Variants in FOXK1 observed in about 807,000 individuals in gnomAD.
FOXK1 encodes the protein forkhead box K1.
A neutral mutation model predicts 51.9 loss-of-function variants in FOXK1; 19 were observed. The observed-to-expected ratio is 0.37, with a 90% CI of 0.26 to 0.54. The LOEUF (loss-of-function observed/expected upper bound fraction) is 0.54, where lower values mean the gene tolerates loss of function less well. FOXK1 is among the 20% of genes least tolerant of loss of function. The pLI, the probability that FOXK1 is intolerant of heterozygous loss-of-function variation, is 0.87. For missense variants in FOXK1, 870 were observed against 1,032.7 expected, an observed-to-expected ratio of 0.84 and a Z score of 2.16; for synonymous variants, 537 against 482.6, an observed-to-expected ratio of 1.11 and a Z score of -1.48.
chr7:4,713,308 G>A (rs1176840636), intron 1 of FOXK1, among the ~76,000 whole-genome samples: 1 of 149,528 alleles, frequency 6.7e-6, no homozygotes, highest in African/African-American at 2.6e-5. Context: ...GGTTGGGGCG[G>A]GCTGGGATTC....
Position 4,707,506 on chromosome 7 carries a change from G to A in FOXK1, c.560+24638G>A, listed in dbSNP as rs77891142. Among the ~76,000 whole-genome samples, 1 of 152,278 alleles carries A rather than the reference G, an allele frequency of 6.6e-6. No homozygotes were observed. The highest frequency in any genetic ancestry group is 2.4e-5 in the African/African-American group (1 of 41,548). On this transcript the variant is annotated intron_variant, in intron 1 of 8. Coordinates refer to ENST00000328914, the MANE Select transcript of FOXK1 (RefSeq NM_001037165.2). The surrounding 1 kb of genome is among the most constrained non-coding windows in gnomAD (Gnocchi z 4.1). The stretch of plus-strand genomic sequence containing the variant: ...AATTTCGCCTTGGTAGTGTTAAGAT[G>A]TATTTAGCGACTCAAGTATCTGCAG...
At chr7:4,746,494 G>A (rs7802969) in intron 2 of FOXK1, among the ~76,000 whole-genome samples, 119,130 of 151,852 alleles carry the variant, frequency 0.78, 47,059 homozygotes, top group African/African-American at 0.87. Flanking sequence ...AGCCTGGGCA[G>A]CATAGTGAGA....
rs1583190346 is a variant in FOXK1, at chr7:4,711,712, G to A, written c.560+28844G>A. 6.6e-6 allele frequency among the ~76,000 whole-genome samples: 1 copy of A among 152,230 alleles called. No individual in the cohort carries two copies. The highest frequency in any genetic ancestry group is 2.1e-4 in the South Asian group (1 of 4,836). ...GTGGGCAGTGGTGCTGCCGTGTCTTGTCAGGAGGCCAGCTCTGTGTCACCC... is the reference window on the plus strand; with the variant it reads ...GTGGGCAGTGGTGCTGCCGTGTCTTATCAGGAGGCCAGCTCTGTGTCACCC... On this transcript the variant is annotated intron_variant, in intron 1 of 8. Coordinates refer to ENST00000328914, the MANE Select transcript of FOXK1 (RefSeq NM_001037165.2). The surrounding 1 kb of genome is among the most constrained non-coding windows in gnomAD (Gnocchi z 6.3).
chr7:4,684,643 G>A (rs1017968847), intron 1 of FOXK1, among the ~76,000 whole-genome samples: 1 of 152,092 alleles, frequency 6.6e-6, no homozygotes, highest in Non-Finnish European at 1.5e-5. Context: ...CCTCCAGTAA[G>A]AAAATGACAG....
intron 7 of FOXK1, among the ~76,000 whole-genome samples, 156 bp from the exon 8 acceptor site, chr7:4,760,908 C>G (rs570006568): frequency 6.6e-6 from 1 of 152,144 alleles, no homozygotes; most frequent in South Asian, 2.1e-4. Flanking sequence ...ATTTTCTTCC[C>G]AAACCTATTT....
chr7:4,767,467 C>T lies in FOXK1; in HGVS notation c.*5003C>T, dbSNP rs1418525749. ...ACAGCCTCGCCTCGAGCCTCCTTGA[C>T]AATACCGCTGCTTCAAAGCAATATT... On this transcript the variant is annotated 3_prime_UTR_variant, in exon 9 of 9. Coordinates refer to ENST00000328914, the MANE Select transcript of FOXK1 (RefSeq NM_001037165.2). This position sits in a 1 kb window ranked among gnomAD's most constrained non-coding sequence, Gnocchi z 6.6. 6.6e-6 allele frequency: 1 copy of T among 152,352 alleles called. No individual in the cohort carries two copies. Among genetic ancestry groups the T allele is most frequent in the South Asian group, 2.1e-4 (1 of 4,834 alleles). The allele number at this position is 152,352 out of a possible 1,614,324, so 9.4% of individuals were successfully genotyped here.
intron 1 of FOXK1, among the ~76,000 whole-genome samples, chr7:4,710,108 A>G (rs1374040828): frequency 6.6e-6 from 1 of 152,238 alleles, no homozygotes; most frequent in East Asian, 1.9e-4. Flanking sequence ...CCTCATCTGA[A>G]TGAGAAGGTT....
At chr7:4,740,723 AGGTTTG>A in intron 1 of FOXK1, 109 bp from the exon 2 acceptor site, 1 of 1,056,212 alleles carries the variant, frequency 9.5e-7, no homozygotes, top group Non-Finnish European at 1.4e-6. Flanking sequence ...TCTGGGGCCC[AGGTTTG>A]AGAGTTACGG....
intron 1 of FOXK1, among the ~76,000 whole-genome samples, chr7:4,696,574 T>G (rs1171717053): frequency 1.3e-5 from 2 of 152,152 alleles, no homozygotes; most frequent in African/African-American, 4.8e-5. Flanking sequence ...GGTATCTCCG[T>G]CTCCCAGAAG....
At chr7:4,744,209 A>G (rs1780671979) in intron 2 of FOXK1, among the ~76,000 whole-genome samples, 1 of 152,222 alleles carries the variant, frequency 6.6e-6, no homozygotes, top group Non-Finnish European at 1.5e-5. Context: ...TGGTTTGCGA[A>G]GGAGTTAAGT....
rs1583211450 is a variant in FOXK1 at position 4,756,332 on chromosome 7, C to G, written c.1051-662C>G. Among the ~76,000 whole-genome samples, 1 of 152,054 alleles carries G rather than the reference C, an allele frequency of 6.6e-6. No homozygotes were observed. The highest frequency in any genetic ancestry group is 1.5e-5 in the Non-Finnish European group (1 of 68,012). On this transcript the variant is annotated intron_variant, in intron 4 of 8. Coordinates refer to ENST00000328914, the MANE Select transcript of FOXK1 (RefSeq NM_001037165.2). This position sits in a 1 kb window ranked among gnomAD's most constrained non-coding sequence, Gnocchi z 4.1. ...GTTTCACCATGTTGCCCAGGCTGGT[C>G]TCAAACTCCTGACCTCAGGTAATCC...
At chr7:4,699,394 C>T (rs1339667466) in intron 1 of FOXK1, among the ~76,000 whole-genome samples, 5 of 140,422 alleles carry the variant, frequency 3.6e-5, no homozygotes, top group African/African-American at 1.1e-4. Flanking sequence ...TTTTTTGAGA[C>T]ATCTCACTCT....
In FOXK1 at chr7:4,729,208, C is replaced by T. The variant is rs184622737; in HGVS notation, c.561-11630C>T. On this transcript the variant is annotated intron_variant, in intron 1 of 8. Transcript: ENST00000328914. This position sits in a 1 kb window ranked among gnomAD's most constrained non-coding sequence, Gnocchi z 6.2. The stretch of plus-strand genomic sequence containing the variant: ...GGAGGTGATTTCGGAGCCTACTCTC[C>T]GATCCTCAGGATCCTCTTCGGGAGC... 5.4e-4 allele frequency among the ~76,000 whole-genome samples: 82 copies of T among 152,306 alleles called. No homozygotes were observed. The highest frequency in any genetic ancestry group is 1.9e-3 in the African/African-American group (80 of 41,556).
At position 4,743,929 on chromosome 7, in the gene FOXK1, T is replaced by C. The variant is rs1352169167; in HGVS notation, c.746+2906T>C. Among the ~76,000 whole-genome samples the C allele has an allele frequency of 6.7e-6, 1 of 149,872 alleles. No homozygotes were observed. Among genetic ancestry groups the C allele is most frequent in the Non-Finnish European group, 1.5e-5 (1 of 67,650 alleles). On this transcript the variant is annotated intron_variant, in intron 2 of 8. Coordinates refer to ENST00000328914, the MANE Select transcript of FOXK1 (RefSeq NM_001037165.2). The surrounding 1 kb of genome is among the most constrained non-coding windows in gnomAD (Gnocchi z 5.3). ...TCTTGCTCTGTCGCCCAGGCTGGAG[T>C]GCAGTGGCGTGATCTTGGCTCAGTG...
rs990542844 is a variant in FOXK1, at chr7:4,715,114, C to G, written c.561-25724C>G. 6.7e-6 allele frequency among the ~76,000 whole-genome samples: 1 copy of G among 149,494 alleles called. No individual in the cohort carries two copies. The highest frequency in any genetic ancestry group is 1.5e-5 in the Non-Finnish European group (1 of 67,688). On this transcript the variant is annotated intron_variant, in intron 1 of 8. Transcript: ENST00000328914. The surrounding 1 kb of genome is among the most constrained non-coding windows in gnomAD (Gnocchi z 4.5). ...CAGAAAATATTCAAAGCCAGTGCAGCTGGAATTGTGATATAGTGCACGGTG... is the reference window on the plus strand; with the variant it reads ...CAGAAAATATTCAAAGCCAGTGCAGGTGGAATTGTGATATAGTGCACGGTG...
rs1445580336 is a variant in FOXK1 at position 4,762,623 on chromosome 7, G to A, written c.*159G>A. On this transcript the variant is annotated 3_prime_UTR_variant, in exon 9 of 9. Transcript: ENST00000328914. This position sits in a 1 kb window ranked among gnomAD's most constrained non-coding sequence, Gnocchi z 5.7. Reference sequence around the variant, plus strand: ...CACACCCAGCCCTTTCCATTTGATCGCCTGCCTTCCCGTGGTTTAAGACAA... The same window carrying A: ...CACACCCAGCCCTTTCCATTTGATCACCTGCCTTCCCGTGGTTTAAGACAA... The A allele has an allele frequency of 6.1e-6, 4 of 655,018 alleles. No homozygotes were observed. Among genetic ancestry groups the A allele is most frequent in the Non-Finnish European group, 5.1e-6 (2 of 389,308 alleles). 40.6% of individuals were successfully genotyped at this position (655,018 alleles called of 1,614,324 possible). A position where few individuals can be genotyped will look rare whatever the true frequency, so the allele number is the denominator to read the frequency against.
intron 1 of FOXK1, among the ~76,000 whole-genome samples, chr7:4,720,374 T>C (rs1436480849): frequency 1.3e-5 from 2 of 152,324 alleles, no homozygotes; most frequent in Non-Finnish European, 2.9e-5. Flanking sequence ...CCTGAGACTC[T>C]TAAGATTTGA....
intron 1 of FOXK1, among the ~76,000 whole-genome samples, chr7:4,692,374 C>T (rs1430155381): frequency 1.3e-5 from 2 of 152,138 alleles, no homozygotes; most frequent in African/African-American, 4.8e-5. Flanking sequence ...CTCACTAAAA[C>T]CTGACAAGGG....
intron 1 of FOXK1, among the ~76,000 whole-genome samples, chr7:4,736,417 T>G (rs1204815091): frequency 2.0e-5 from 3 of 151,324 alleles, no homozygotes; most frequent in African/African-American, 4.9e-5. Context: ...CAGTTTTGTT[T>G]TTTTTTTTTT....
Sources: allele counts gnomAD v4.1 joint callset (sites outside exome capture counted in the v4.1 genomes callset), GRCh38; gene constraint gnomAD v4.1.1; non-coding constraint Gnocchi (gnomAD v3.1); transcripts MANE v1.5; gene names NCBI Gene and HGNC (gene_info 2026-07-23, HGNC 2026-07-21).